ATP13A4: variants seen among roughly 807,000 people sequenced by gnomAD.
ATP13A4 encodes ATPase 13A4.
ATP13A4 carries 114 observed loss-of-function variants against 142.5 expected under a neutral mutation model. That is an observed-to-expected ratio of 0.80 (90% confidence interval 0.69 to 0.93). ATP13A4 has a LOEUF of 0.93. ATP13A4 is among the 40% of genes least tolerant of loss of function. The pLI, the probability that ATP13A4 is intolerant of heterozygous loss-of-function variation, is 0.00. For missense variants in ATP13A4, 1,392 were observed against 1,454.0 expected (o/e 0.96, Z 0.69); for synonymous variants, 488 against 514.8 (o/e 0.95, Z 0.70).
chr3:193,589,835 G>C (rs1560293296), intron 1 of ATP13A4, among the ~76,000 whole-genome samples: 1 of 151,886 alleles, frequency 6.6e-6, no homozygotes, highest in Admixed American at 6.6e-5. Context: ...TATTTTCGTG[G>C]GTTAGGCATG....
chr3:193,423,010 T>G (rs1166744419), intron 25 of ATP13A4, among the ~76,000 whole-genome samples: 1 of 148,358 alleles, frequency 6.7e-6, no homozygotes, highest in Non-Finnish European at 1.5e-5. Flanking sequence ...CTAAAATAAA[T>G]AAAATCAGAG....
At chr3:193,406,023 T>C (rs1576928845) in intron 29 of ATP13A4, among the ~76,000 whole-genome samples, 2 of 152,178 alleles carry the variant, frequency 1.3e-5, no homozygotes, top group Admixed American at 6.5e-5. Flanking sequence ...GTTTAGCATA[T>C]TGCTTCTCAA....
intron 2 of ATP13A4, among the ~76,000 whole-genome samples, chr3:193,507,578 G>A (rs1423137542): frequency 6.6e-6 from 1 of 152,158 alleles, no homozygotes; most frequent in Non-Finnish European, 1.5e-5. Flanking sequence ...CAAAGCAAAG[G>A]CTATGTTTAT....
At chr3:193,440,288 C>G in intron 21 of ATP13A4, 1 of 449,078 alleles carries the variant, frequency 2.2e-6, no homozygotes, top group Non-Finnish European at 4.0e-6. Context: ...GGTTCTAGTC[C>G]AGTGGTTCTC....
chr3:193,459,595 G>T (rs1717835751), intron 13 of ATP13A4, among the ~76,000 whole-genome samples: 1 of 152,108 alleles, frequency 6.6e-6, no homozygotes. Context: ...CCACCACCAT[G>T]TCAGGCTAAT....
At chr3:193,465,917 T>C in intron 11 of ATP13A4, 108 bp downstream of exon 11, 1 of 1,422,646 alleles carries the variant, frequency 7.0e-7, no homozygotes, top group East Asian at 2.3e-5. Flanking sequence ...TGCTTGGTTT[T>C]GTTTCCCAGG....
At position 193,459,187 on chromosome 3, in the gene ATP13A4, C is replaced by A; in HGVS notation, c.1568G>T (p.Trp523Leu). The part of the protein sequence containing the change: ...HSFASGQALP[W>L]GPLCAAMASC... ...GGCCATCGCTGCACACAGTGGGCCCCATGGCAAAGCCTGGCCTGAGGCAAA... is the reference window on the plus strand; with the variant it reads ...GGCCATCGCTGCACACAGTGGGCCCAATGGCAAAGCCTGGCCTGAGGCAAA... The change falls in exon 14 of 30, where the codon TGG becomes TTG. Residue 523 changes from tryptophan to leucine, a missense_variant. Physicochemically the swap from Trp to Leu is moderately conservative, Grantham distance 61 (BLOSUM62 -2). Coordinates refer to ENST00000342695, the MANE Select transcript of ATP13A4 (RefSeq NM_032279.4). 6.2e-7 allele frequency: 1 copy of A among 1,614,218 alleles called. No individual in the cohort carries two copies.
At chr3:193,499,314 T>C (rs78606899) in intron 3 of ATP13A4, among the ~76,000 whole-genome samples, 3,805 of 152,314 alleles carry the variant, frequency 0.025, 81 homozygotes, top group Non-Finnish European at 0.039. Context: ...TGACAGGCTC[T>C]AGGGTGTGTT....
At position 193,586,106 on chromosome 3, in the gene ATP13A4, CACACACACACAT is replaced by C. The variant is rs1357562850; in HGVS notation, n.92-4212_92-4201del. Among the ~76,000 whole-genome samples the C allele has an allele frequency of 4.9e-5, 7 of 142,152 alleles. No homozygotes were observed. In the South Asian group the frequency reaches 1.3e-3, roughly 27 times the overall value. 93.3% of individuals were successfully genotyped at this position (142,152 alleles called of 152,430 possible). On this transcript the variant is annotated intron_variant and non_coding_transcript_variant, in intron 1 of 3. Transcript: ENST00000489140. ...ATACACACATACACACACACACACA[CACACACACACAT>C]ATACACACACACGCATATCGTCCTT... is the stretch of plus-strand genomic sequence containing the variant.
intron 9 of ATP13A4, among the ~76,000 whole-genome samples, chr3:193,469,318 A>G (rs1429293600): frequency 2.0e-5 from 3 of 152,312 alleles, no homozygotes; most frequent in Middle Eastern, 3.4e-3. Flanking sequence ...CAGACAGGAC[A>G]ATAAGTTGAG....
At position 193,502,549 on chromosome 3, in the gene ATP13A4, G is replaced by T; in HGVS notation, c.325C>A (p.Leu109Ile). 3.1e-6 allele frequency: 5 copies of T among 1,613,992 alleles called. No homozygotes were observed. ...ATGATATACTCCTCATCTGTCATGA[G>T]AGGGTGGTCAGGAGTGAGACCAAAT... ...SAFGLTPDHP[L>I]MTDEEYIINR... Residue 109 changes from leucine (L) to isoleucine (I), a missense_variant, in exon 3 of 30, where the codon CTC becomes ATC. Leu to Ile is a conservative substitution (Grantham distance 5). Transcript: ENST00000342695.
intron 3 of ATP13A4, among the ~76,000 whole-genome samples, chr3:193,501,219 G>T (rs570098933): frequency 1.3e-5 from 2 of 152,322 alleles, no homozygotes; most frequent in African/African-American, 4.8e-5. Context: ...CAGGTGAATG[G>T]ACATCTAACA....
intron 1 of ATP13A4, among the ~76,000 whole-genome samples, chr3:193,524,158 T>C (rs1261752768): frequency 6.6e-6 from 1 of 152,204 alleles, no homozygotes; most frequent in Non-Finnish European, 1.5e-5. Flanking sequence ...TGAAATGGAC[T>C]AAGACAATGA....
intron 2 of ATP13A4, among the ~76,000 whole-genome samples, chr3:193,580,520 G>C (rs964322368): frequency 1.3e-5 from 2 of 152,094 alleles, no homozygotes; most frequent in Non-Finnish European, 2.9e-5. Flanking sequence ...TACAGAGGAG[G>C]GTGCTAGCAA....
chr3:193,556,287 G>C (rs79917621), upstream of ATP13A4, among the ~76,000 whole-genome samples: 4,745 of 152,224 alleles, frequency 0.031, 78 homozygotes, highest in East Asian at 0.049. Flanking sequence ...TCCACTGTCT[G>C]TCCCTCAAGC....
At chr3:193,506,214 C>G (rs1436158211) in intron 2 of ATP13A4, among the ~76,000 whole-genome samples, 1 of 152,166 alleles carries the variant, frequency 6.6e-6, no homozygotes, top group Non-Finnish European at 1.5e-5. Context: ...CTCTTCAAAG[C>G]AGGTAATGAT....
intron 12 of ATP13A4, among the ~76,000 whole-genome samples, chr3:193,464,238 T>A (rs1012297848): frequency 2.6e-5 from 4 of 152,182 alleles, no homozygotes; most frequent in African/African-American, 9.7e-5. Flanking sequence ...CCTGCTCTAG[T>A]CAAAACCACA....
intron 12 of ATP13A4, 79 bp from the exon 13 acceptor site, chr3:193,462,902 CG>C (rs1400743921): frequency 2.8e-6 from 4 of 1,435,338 alleles, no homozygotes; most frequent in Non-Finnish European, 3.9e-6. Flanking sequence ...CCCAGCACTA[CG>C]GGAGGCGGAG....
At chr3:193,538,981 C>A (rs1208230859) in intron 1 of ATP13A4, among the ~76,000 whole-genome samples, 1 of 143,936 alleles carries the variant, frequency 6.9e-6, no homozygotes, top group South Asian at 2.2e-4. Context: ...TCAAGCGATT[C>A]TCCTGCCTCA....
Sources: allele counts gnomAD v4.1 joint callset (sites outside exome capture counted in the v4.1 genomes callset), GRCh38; gene constraint gnomAD v4.1.1; transcripts MANE v1.5; gene names NCBI Gene and HGNC (gene_info 2026-07-23, HGNC 2026-07-21).